CRIM1: variants seen among roughly 807,000 people sequenced by gnomAD.
The protein encoded by CRIM1 is cysteine rich transmembrane BMP regulator 1.
CRIM1 carries 32 observed loss-of-function variants against 116.4 expected under a neutral mutation model. That is an observed-to-expected ratio of 0.27 (90% CI 0.21 to 0.37). The LOEUF is 0.37. Ranked by LOEUF, CRIM1 falls within the 10% of genes least tolerant of loss-of-function variation. The probability of loss-of-function intolerance (pLI) is 1.00; values close to 1 mark genes in which losing one functional copy is unlikely to be tolerated. For missense variants in CRIM1, 1,331 were observed against 1,354.8 expected, an observed-to-expected ratio of 0.98 and a Z score of 0.28; for synonymous variants, 590 against 509.2, an observed-to-expected ratio of 1.16 and a Z score of -2.13.
intron 12 of CRIM1, among the ~76,000 whole-genome samples, chr2:36,521,220 C>A (rs72789220): frequency 3.8e-4 from 58 of 152,174 alleles, no homozygotes; most frequent in African/African-American, 1.3e-3. Context: ...GTAACTAGAT[C>A]TGGGGACTTC....
chr2:36,453,142 T>C (rs970456803), intron 4 of CRIM1, among the ~76,000 whole-genome samples: 7 of 152,256 alleles, frequency 4.6e-5, no homozygotes, highest in South Asian at 2.1e-4. Context: ...ATATGGCTTA[T>C]TGGGTTCCCC....
intron 1 of CRIM1, among the ~76,000 whole-genome samples, chr2:36,359,146 C>G (rs1669052411): frequency 6.6e-6 from 1 of 152,136 alleles, no homozygotes; most frequent in South Asian, 2.1e-4. Context: ...TCATAACTAA[C>G]ATGAATAGGA....
At chr2:36,423,904 C>T (rs908484504) in intron 2 of CRIM1, among the ~76,000 whole-genome samples, 1 of 151,976 alleles carries the variant, frequency 6.6e-6, no homozygotes, top group African/African-American at 2.4e-5. Flanking sequence ...GAAGCTGAAG[C>T]TAGGAAAGGT....
At position 36,546,965 on chromosome 2, in the gene CRIM1, A is replaced by T; in HGVS notation, c.2747-19A>T. ...ATTCTGGTTTAGGTAATAAATGCTT[A>T]TAATTTTTTTTCTCCTAGATATGGG... On this transcript the variant is annotated intron_variant, in intron 15 of 16. Transcript: ENST00000280527. 6.9e-7 allele frequency: 1 copy of T among 1,455,312 alleles called. No individual in the cohort carries two copies. Among genetic ancestry groups the T allele is most frequent in the Non-Finnish European group, 9.5e-7 (1 of 1,057,686 alleles). The allele number at this position is 1,455,312 out of a possible 1,614,324, so 90.1% of individuals were successfully genotyped here.
At chr2:36,542,495 C>T (rs1367384709) in intron 14 of CRIM1, among the ~76,000 whole-genome samples, 1 of 152,194 alleles carries the variant, frequency 6.6e-6, no homozygotes, top group Admixed American at 6.5e-5. Context: ...TACGTCTCTC[C>T]CTCTCACTCA....
chr2:36,512,155 A>T, intron 9 of CRIM1, 118 bp from the exon 10 acceptor site: 2 of 1,253,400 alleles, frequency 1.6e-6, no homozygotes, highest in Non-Finnish European at 2.2e-6. Flanking sequence ...CTTTGAGAGC[A>T]AAAGTCAAGT....
intron 1 of CRIM1, among the ~76,000 whole-genome samples, chr2:36,387,961 T>C (rs1447369191): frequency 6.6e-6 from 1 of 152,196 alleles, no homozygotes; most frequent in Non-Finnish European, 1.5e-5. Flanking sequence ...CATTCTTTTT[T>C]TTTTTTTCAG....
At chr2:36,538,961 T>C (rs986265966) in intron 14 of CRIM1, among the ~76,000 whole-genome samples, 41 of 152,380 alleles carry the variant, frequency 2.7e-4, no homozygotes, top group Admixed American at 1.8e-3. Flanking sequence ...AAGAGTCATT[T>C]AATGCCTTTT....
chr2:36,506,186 C>T (rs1296449268), intron 8 of CRIM1, among the ~76,000 whole-genome samples: 1 of 48,370 alleles, frequency 2.1e-5, no homozygotes, highest in Non-Finnish European at 6.8e-5. Context: ...CTCTCTCACA[C>T]ACACACACAC....
chr2:36,464,437 G>A, intron 4 of CRIM1, 97 bp from the exon 5 acceptor site: 2 of 1,285,942 alleles, frequency 1.6e-6, no homozygotes, highest in Non-Finnish European at 2.3e-6. Context: ...TATAGACCAG[G>A]TACTTTGCCA....
intron 7 of CRIM1, 110 bp downstream of exon 7, chr2:36,479,804 C>T (rs848543): frequency 0.061 from 65,438 of 1,077,036 alleles, 4,537 homozygotes; most frequent in Admixed American, 0.25. Context: ...GTCTGCTTCA[C>T]GCTGTTACCA....
chr2:36,441,105 T>A (rs1431160317), intron 2 of CRIM1, among the ~76,000 whole-genome samples, 153 bp from the exon 3 acceptor site: 2 of 152,166 alleles, frequency 1.3e-5, no homozygotes, highest in Non-Finnish European at 2.9e-5. Context: ...AGGTTTTCAT[T>A]GTTAGTTAAA....
intron 1 of CRIM1, among the ~76,000 whole-genome samples, chr2:36,357,306 C>T (rs961550568): frequency 2.0e-5 from 3 of 152,098 alleles, no homozygotes. Flanking sequence ...GGGGTTGCAC[C>T]TGGGAGTAAA....
intron 2 of CRIM1, among the ~76,000 whole-genome samples, chr2:36,397,753 G>A (rs576708838): frequency 6.6e-6 from 1 of 152,142 alleles, no homozygotes; most frequent in South Asian, 2.1e-4. Flanking sequence ...GAAATTTGCA[G>A]TAGCCTACAA....
intron 4 of CRIM1, among the ~76,000 whole-genome samples, chr2:36,456,082 G>A (rs895138755): frequency 2.0e-5 from 3 of 152,152 alleles, no homozygotes. Flanking sequence ...CCAGGCAATG[G>A]AGGCTTTGCT....
chr2:36,381,333 C>T (rs1456525997), intron 1 of CRIM1, among the ~76,000 whole-genome samples: 1 of 152,216 alleles, frequency 6.6e-6, no homozygotes, highest in Admixed American at 6.5e-5. Flanking sequence ...CCGCTAGACT[C>T]CCACACTGGG....
chr2:36,546,637 G>A (rs190163169), intron 15 of CRIM1, among the ~76,000 whole-genome samples: 1 of 151,938 alleles, frequency 6.6e-6, no homozygotes, highest in East Asian at 1.9e-4. Flanking sequence ...GACCATGTAT[G>A]TTAACAGTAA....
chr2:36,466,342 T>G (rs1028630777), intron 5 of CRIM1, among the ~76,000 whole-genome samples: 1 of 152,162 alleles, frequency 6.6e-6, no homozygotes, highest in African/African-American at 2.4e-5. Flanking sequence ...TCTGTGCACT[T>G]AAATCACCTC....
intron 7 of CRIM1, among the ~76,000 whole-genome samples, chr2:36,492,478 T>G (rs1680296486): frequency 6.6e-6 from 1 of 152,206 alleles, no homozygotes; most frequent in Non-Finnish European, 1.5e-5. Context: ...TTCAATTTTT[T>G]TTTTTTCTTA....
Sources: allele counts gnomAD v4.1 joint callset (sites outside exome capture counted in the v4.1 genomes callset), GRCh38; gene constraint gnomAD v4.1.1; transcripts MANE v1.5; gene names NCBI Gene and HGNC (gene_info 2026-07-23, HGNC 2026-07-21).